The following CMIP variants were observed in gnomAD, a reference collection of about 807,000 sequenced individuals.
CMIP encodes the protein C-Maf-inducing protein.
Under a neutral mutation model 97.3 loss-of-function variants are expected in CMIP, and 13 were observed. The ratio of observed to expected loss-of-function variants is 0.13; its 90% confidence interval spans 0.09 to 0.21. The LOEUF (loss-of-function observed/expected upper bound fraction) is 0.21. Among genes scored for constraint, CMIP ranks in the 10% least tolerant of loss-of-function variants. CMIP has a pLI of 1.00. For missense variants in CMIP, 847 were observed against 1,024.9 expected (o/e 0.83, Z 2.37); for synonymous variants, 538 against 436.3 (o/e 1.23, Z -2.91).
chr16:81,453,643 G>T lies in CMIP; in HGVS notation c.300+8102G>T, dbSNP rs1406990017. The stretch of plus-strand genomic sequence containing the variant: ...AAGGAGAGCCACGGGTATGGAAGGG[G>T]CTGTGTGTTCCCCAGGCAGGCTAGC... On this transcript the variant is annotated intron_variant, in intron 1 of 20. Transcript: ENST00000537098. This position sits in a 1 kb window ranked among gnomAD's most constrained non-coding sequence, Gnocchi z 4.0. Among the ~76,000 whole-genome samples the T allele has an allele frequency of 2.0e-5, 3 of 152,250 alleles. No individual in the cohort carries two copies. Among genetic ancestry groups the T allele is most frequent in the African/African-American group, 7.2e-5 (3 of 41,474 alleles).
chr16:81,682,836 A>G (rs149160456), intron 10 of CMIP, among the ~76,000 whole-genome samples: 25 of 152,312 alleles, frequency 1.6e-4, no homozygotes, highest in African/African-American at 5.8e-4. Flanking sequence ...TAAGTTGCAA[A>G]AATTTCCTGG....
chr16:81,580,795 T>C (rs2091283766), intron 1 of CMIP, among the ~76,000 whole-genome samples: 1 of 152,020 alleles, frequency 6.6e-6, no homozygotes, highest in African/African-American at 2.4e-5. Flanking sequence ...AGACTCTGTC[T>C]CAAAAACAAA....
chr16:81,556,721 G>A (rs536014415), intron 1 of CMIP, among the ~76,000 whole-genome samples: 5 of 152,312 alleles, frequency 3.3e-5, no homozygotes, highest in South Asian at 4.1e-4. Flanking sequence ...CCACTGAACC[G>A]TACACTTAAA....
chr16:81,620,780 C>A, intron 2 of CMIP, 96 bp from the exon 3 acceptor site: 1 of 1,432,370 alleles, frequency 7.0e-7, no homozygotes, highest in African/African-American at 1.4e-5. Flanking sequence ...ACGCTGTCTA[C>A]AGAGCAGGCT....
chr16:81,707,365 A>T (rs1397230610), intron 20 of CMIP, among the ~76,000 whole-genome samples: 1 of 152,302 alleles, frequency 6.6e-6, no homozygotes, highest in Admixed American at 6.5e-5. Flanking sequence ...CAGAAATACC[A>T]AGGGCGAGAG....
intron 1 of CMIP, among the ~76,000 whole-genome samples, chr16:81,513,733 G>A (rs2089857346): frequency 6.6e-6 from 1 of 152,250 alleles, no homozygotes; most frequent in Non-Finnish European, 1.5e-5. Flanking sequence ...AAGCCGTTTT[G>A]CAAGGGACAC....
chr16:81,636,303 C>T (rs1268726878), intron 3 of CMIP, among the ~76,000 whole-genome samples: 1 of 152,118 alleles, frequency 6.6e-6, no homozygotes, highest in Non-Finnish European at 1.5e-5. Context: ...GGGATTCTGG[C>T]CCGGTGTGGT....
intron 1 of CMIP, among the ~76,000 whole-genome samples, chr16:81,539,041 G>A (rs186938930): frequency 8.7e-4 from 132 of 152,280 alleles, no homozygotes; most frequent in African/African-American, 2.8e-3. Flanking sequence ...AGATAGTGCC[G>A]AGGAAGAGCA....
At chr16:81,559,047 G>A (rs1453135591) in intron 1 of CMIP, among the ~76,000 whole-genome samples, 1 of 152,228 alleles carries the variant, frequency 6.6e-6, no homozygotes, top group Non-Finnish European at 1.5e-5. Flanking sequence ...TGGCAACCAG[G>A]CCTGGGCGCC....
chr16:81,527,115 T>C (rs1253353157), intron 1 of CMIP, among the ~76,000 whole-genome samples: 1 of 152,228 alleles, frequency 6.6e-6, no homozygotes. Context: ...TCTTGGTTTT[T>C]GTCTGCTACA....
At chr16:81,693,537 A>T (rs761114716) in intron 13 of CMIP, 50 bp downstream of exon 13, 3 of 1,581,666 alleles carry the variant, frequency 1.9e-6, no homozygotes, top group Admixed American at 3.5e-5. Context: ...GGATGGCAGG[A>T]TGCACGAGGG....
intron 3 of CMIP, among the ~76,000 whole-genome samples, chr16:81,635,619 G>A (rs781309544): frequency 1.2e-4 from 19 of 152,200 alleles, no homozygotes; most frequent in Non-Finnish European, 1.9e-4. Context: ...AGTTTTTGCC[G>A]TTGAAAGTCT....
chr16:81,707,971 C>G (rs1363723418), intron 20 of CMIP, among the ~76,000 whole-genome samples: 1 of 152,282 alleles, frequency 6.6e-6, no homozygotes, highest in Admixed American at 6.5e-5. Flanking sequence ...ACAGCCAGGC[C>G]TCCTGCCGCC....
chr16:81,509,015 C>T (rs1033678643), intron 1 of CMIP, among the ~76,000 whole-genome samples: 2 of 152,212 alleles, frequency 1.3e-5, no homozygotes, highest in Non-Finnish European at 2.9e-5. Context: ...TTCCCTTTCC[C>T]TTAGCCTTAA....
chr16:81,454,690 C>T (rs1906438102), intron 1 of CMIP, among the ~76,000 whole-genome samples: 1 of 152,244 alleles, frequency 6.6e-6, no homozygotes, highest in African/African-American at 2.4e-5. Flanking sequence ...ATACTCTTCC[C>T]TCCCAAGGGA....
chr16:81,690,811 A>G (rs915260660), intron 10 of CMIP, among the ~76,000 whole-genome samples: 1 of 151,862 alleles, frequency 6.6e-6, no homozygotes, highest in African/African-American at 2.4e-5. Context: ...CTATAATCCC[A>G]GCTGCTCGGA....
chr16:81,680,528 G>A (rs564175997), intron 10 of CMIP, among the ~76,000 whole-genome samples: 21 of 152,332 alleles, frequency 1.4e-4, no homozygotes, highest in African/African-American at 4.8e-4. Context: ...GGAAAGGGTG[G>A]GGTGTGCCCA....
At chr16:81,495,054 C>T (rs976241891) in intron 1 of CMIP, among the ~76,000 whole-genome samples, 1 of 152,192 alleles carries the variant, frequency 6.6e-6, no homozygotes, top group Non-Finnish European at 1.5e-5. Flanking sequence ...GACTGTAAGG[C>T]TTTGGGCACA....
intron 2 of CMIP, chr16:81,617,689 A>G (rs2091938518): frequency 6.6e-6 from 1 of 152,260 alleles, no homozygotes; most frequent in Non-Finnish European, 1.5e-5. Context: ...CATTCGTTCC[A>G]GTGTAACCAG....
Sources: gnomAD v4.1 joint callset for allele counts (sites outside exome capture counted in the v4.1 genomes callset) on GRCh38, gnomAD v4.1.1 for gene constraint, Gnocchi (gnomAD v3.1) non-coding constraint, MANE v1.5 for transcripts, NCBI Gene and HGNC (gene_info 2026-07-23, HGNC 2026-07-21) for gene names.